The following CLIC5 variants were observed in gnomAD, a reference collection of about 807,000 sequenced individuals.
CLIC5 encodes CLIC family member 5.
In CLIC5, 20 loss-of-function variants were observed where a neutral mutation model predicts 24.7. That is an observed-to-expected ratio of 0.81 (90% CI 0.57 to 1.18). The LOEUF (loss-of-function observed/expected upper bound fraction) is 1.18, where lower values mean the gene tolerates loss of function less well. Ranked by LOEUF, CLIC5 falls within the 50% of genes most tolerant of loss-of-function variation. The pLI, the probability that CLIC5 is intolerant of heterozygous loss-of-function variation, is 0.00. For missense variants in CLIC5, 341 were observed against 326.1 expected, an observed-to-expected ratio of 1.05 and a Z score of -0.35; for synonymous variants, 159 against 135.6, an observed-to-expected ratio of 1.17 and a Z score of -1.20.
chr6:45,911,600 C>A, intron 5 of CLIC5: 1 of 985,196 alleles, frequency 1.0e-6, no homozygotes, highest in Non-Finnish European at 1.2e-6. Flanking sequence ...CAGTGACACA[C>A]TGATTCATAG....
chr6:46,048,443 T>G (rs527996145), intron 1 of CLIC5, among the ~76,000 whole-genome samples: 26 of 152,312 alleles, frequency 1.7e-4, no homozygotes, highest in Non-Finnish European at 2.8e-4. Context: ...CAGGCTTGAC[T>G]CTTTTCCATC....
In CLIC5 at chr6:45,915,343, A is replaced by G. The variant is rs1213186538; in HGVS notation, c.407-934T>C. On this transcript the variant is annotated intron_variant, in intron 4 of 5. Coordinates refer to ENST00000339561, the MANE Select transcript of CLIC5 (RefSeq NM_016929.5). ...GCTATTAAATGGGTAAATATAAACT[A>G]TATAGAAGTTCCAAGACAAAGATAT... Among the ~76,000 whole-genome samples, 7 of 152,186 alleles carry G rather than the reference A, an allele frequency of 4.6e-5. No individual in the cohort carries two copies. The East Asian group carries it at 1.2e-3, about 25-fold the overall frequency.
intron 3 of CLIC5, among the ~76,000 whole-genome samples, chr6:45,946,990 A>G (rs544534696): frequency 1.7e-4 from 26 of 152,316 alleles, no homozygotes; most frequent in African/African-American, 6.0e-4. Flanking sequence ...CCAGAGAAGG[A>G]CCTGGACCAG....
chr6:45,955,082 G>A, intron 2 of CLIC5, 53 bp downstream of exon 2: 4 of 1,361,522 alleles, frequency 2.9e-6, no homozygotes, highest in Non-Finnish European at 4.2e-6. Flanking sequence ...CTTCATGGAA[G>A]GTTCTCTGTT....
At chr6:45,896,845 A>G (rs1017850370), downstream of CLIC5, among the ~76,000 whole-genome samples, 1 of 152,160 alleles carries the variant, frequency 6.6e-6, no homozygotes, top group Non-Finnish European at 1.5e-5. Context: ...CAGATGCCCT[A>G]CATTCACACA....
At chr6:46,005,262 G>A (rs1223287758) in intron 1 of CLIC5, among the ~76,000 whole-genome samples, 1 of 152,072 alleles carries the variant, frequency 6.6e-6, no homozygotes, top group African/African-American at 2.4e-5. Flanking sequence ...TTCTCCAGTC[G>A]GACACTTGTT....
intron 1 of CLIC5, among the ~76,000 whole-genome samples, chr6:46,072,414 C>A (rs182943126): frequency 6.6e-6 from 1 of 151,764 alleles, no homozygotes; most frequent in Admixed American, 6.6e-5. Flanking sequence ...GAGGTGAAAT[C>A]GATTGCACTA....
intron 4 of CLIC5, among the ~76,000 whole-genome samples, chr6:45,928,767 A>AGTGT (rs5875948): frequency 0.25 from 35,476 of 144,008 alleles, 4,557 homozygotes; most frequent in Admixed American, 0.29. Context: ...GAAGTGCATA[A>AGTGT]GTGTGTGTGT....
At chr6:46,104,224 G>C in the CLIC5 span, among the ~76,000 whole-genome samples, 2 of 152,110 alleles carry the variant, frequency 1.3e-5, no homozygotes, top group South Asian at 4.1e-4. Context: ...CTGTCAGAAA[G>C]ATGGGTACTG....
chr6:45,882,730 G>A, intron 6 of CLIC5, among the ~76,000 whole-genome samples: 1 of 152,202 alleles, frequency 6.6e-6, no homozygotes, highest in Non-Finnish European at 1.5e-5. Context: ...CCTCTTTAGT[G>A]ATACAAAAAT....
chr6:45,940,239 C>G (rs1450924113), intron 4 of CLIC5, among the ~76,000 whole-genome samples: 1 of 152,234 alleles, frequency 6.6e-6, no homozygotes, highest in Non-Finnish European at 1.5e-5. Context: ...GCTTCTGGTT[C>G]TGAATACCTT....
At chr6:45,923,404 T>A (rs1258361785) in intron 4 of CLIC5, among the ~76,000 whole-genome samples, 7 of 152,262 alleles carry the variant, frequency 4.6e-5, no homozygotes, top group African/African-American at 1.7e-4. Flanking sequence ...CACCACATTT[T>A]GTCTTGTTTC....
the CLIC5 span, among the ~76,000 whole-genome samples, chr6:46,103,020 A>C: frequency 6.6e-6 from 1 of 152,196 alleles, no homozygotes; most frequent in African/African-American, 2.4e-5. Flanking sequence ...ATTCTTTCTC[A>C]AAGTATTATC....
chr6:45,923,945 A>AGG (rs1763374998), intron 4 of CLIC5, among the ~76,000 whole-genome samples: 1 of 152,168 alleles, frequency 6.6e-6, no homozygotes, highest in Non-Finnish European at 1.5e-5. Context: ...GGAGATCATA[A>AGG]CATGGCATAC....
At chr6:46,103,049 C>A in the CLIC5 span, among the ~76,000 whole-genome samples, 2 of 150,776 alleles carry the variant, frequency 1.3e-5, no homozygotes, top group Admixed American at 6.6e-5. Context: ...TCATATCACA[C>A]GAGTTTCACT....
At chr6:46,108,706 CT>C in the CLIC5 span, among the ~76,000 whole-genome samples, 1 of 152,010 alleles carries the variant, frequency 6.6e-6, no homozygotes, top group Admixed American at 6.6e-5. Context: ...CCTATCAGGT[CT>C]TTTAATTGTT....
chr6:45,947,531 CTTCCACTT>C (rs954644924), intron 3 of CLIC5, among the ~76,000 whole-genome samples: 1 of 152,188 alleles, frequency 6.6e-6, no homozygotes, highest in Non-Finnish European at 1.5e-5. Context: ...CTCCTCACTG[CTTCCACTT>C]TCCACTTCCT....
the CLIC5 span, chr6:46,097,060 T>C: frequency 1.3e-5 from 2 of 152,340 alleles, no homozygotes; most frequent in South Asian, 2.1e-4. Context: ...GAATTACACA[T>C]TTCATTCTTT....
chr6:46,090,517 A>G, the CLIC5 span, among the ~76,000 whole-genome samples: 2 of 152,098 alleles, frequency 1.3e-5, no homozygotes, highest in African/African-American at 2.4e-5. Context: ...TTGGAGCTCA[A>G]TTCGCCTTTT....
Sources: gnomAD v4.1 joint callset for allele counts (sites outside exome capture counted in the v4.1 genomes callset) on GRCh38, gnomAD v4.1.1 for gene constraint, MANE v1.5 for transcripts, NCBI Gene and HGNC (gene_info 2026-07-23, HGNC 2026-07-21) for gene names.